Variants in SCMH1 observed in about 807,000 individuals in gnomAD.
SCMH1 encodes the protein polycomb protein SCMH1.
Under a neutral mutation model 70.8 loss-of-function variants are expected in SCMH1, and 37 were observed. The ratio of observed to expected loss-of-function variants is 0.52; its 90% CI spans 0.40 to 0.69. The LOEUF (loss-of-function observed/expected upper bound fraction) is 0.69. Ranked by LOEUF, SCMH1 falls within the 30% of genes least tolerant of loss-of-function variation. The pLI is 0.00. For synonymous variants in SCMH1, 292 were observed against 307.4 expected (o/e 0.95, Z 0.52); for missense variants, 607 against 827.3 (o/e 0.73, Z 3.27).
chr1:41,118,371 A>G (rs906609245), intron 6 of SCMH1, among the ~76,000 whole-genome samples: 1 of 152,194 alleles, frequency 6.6e-6, no homozygotes, highest in African/African-American at 2.4e-5. Context: ...GGATTAACGA[A>G]TACTTAGAGA....
chr1:41,161,361 T>C lies in SCMH1; in HGVS notation c.82+3A>G. 1.3e-6 allele frequency: 2 copies of C among 1,549,704 alleles called. No individual in the cohort carries two copies. Among genetic ancestry groups the C allele is most frequent in the South Asian group, 1.2e-5 (1 of 83,792 alleles). On this transcript the variant is annotated splice_donor_region_variant and intron_variant, in intron 3 of 14. Coordinates refer to ENST00000337495, the Ensembl canonical transcript of SCMH1. ...ACACCAAACGGAGTTTTTTCCCCCT[T>C]ACCTTGATATTGGGATGCAGACTCT...
chr1:41,184,993 A>G (rs1262280919), intron 2 of SCMH1, among the ~76,000 whole-genome samples: 2 of 152,182 alleles, frequency 1.3e-5, no homozygotes, highest in Non-Finnish European at 2.9e-5. Context: ...TCTCCTTACT[A>G]TCTCACATAT....
chr1:41,218,339 T>C (rs895032096), intron 1 of SCMH1, among the ~76,000 whole-genome samples: 1 of 152,188 alleles, frequency 6.6e-6, no homozygotes, highest in Non-Finnish European at 1.5e-5. Context: ...CAAGTTAAGA[T>C]GACGTCATTA....
At chr1:41,072,153 A>C (rs12142006) in intron 9 of SCMH1, among the ~76,000 whole-genome samples, 9,018 of 152,306 alleles carry the variant, frequency 0.059, 356 homozygotes, top group South Asian at 0.12. Context: ...TGTGAAAGCA[A>C]TCATGCAAAC....
rs780580261 is a variant in SCMH1 at position 41,028,217 on chromosome 1, G to C, written c.1924C>G (p.Arg642Gly). Residue 642 changes from arginine (R) to glycine (G), a missense_variant, in exon 15 of 15, where the codon CGG becomes GGG. Around this residue, in one of 3 missense-constraint regions of SCMH1, gnomAD observed 430 missense variants for 528.2 expected, o/e 0.81. Coordinates refer to ENST00000337495, the Ensembl canonical transcript of SCMH1. ...GTTCAGAACTTGCCCTGCTTCAGCC[G>C]GTCAATGTGGTAGGAGAGCTTGAGT... is the stretch of plus-strand genomic sequence containing the variant. 9.9e-6 allele frequency: 16 copies of C among 1,614,134 alleles called. No homozygotes were observed. In the South Asian group the frequency reaches 1.5e-4, roughly 16 times the overall value.
chr1:41,192,411 C>T (rs1651918533), intron 1 of SCMH1, among the ~76,000 whole-genome samples: 1 of 151,886 alleles, frequency 6.6e-6, no homozygotes, highest in Non-Finnish European at 1.5e-5. Context: ...TTAACTTAGC[C>T]TCCTGTGCCT....
At chr1:41,152,771 G>T in intron 4 of SCMH1, 1 of 1,559,042 alleles carries the variant, frequency 6.4e-7, no homozygotes, top group Non-Finnish European at 8.7e-7. Context: ...ACTGAATGAA[G>T]AAATCTAAAT....
chr1:41,123,325 A>C (rs1672401877), intron 6 of SCMH1, among the ~76,000 whole-genome samples: 1 of 152,238 alleles, frequency 6.6e-6, no homozygotes, highest in Admixed American at 6.5e-5. Flanking sequence ...GGAATTGATC[A>C]GTGACAGAAA....
chr1:41,103,298 A>AT (rs1024036640), intron 8 of SCMH1, among the ~76,000 whole-genome samples: 1 of 151,274 alleles, frequency 6.6e-6, no homozygotes, highest in Admixed American at 6.6e-5. Flanking sequence ...CTCCTGGCTA[A>AT]TTTTTTTTTA....
chr1:41,049,834 C>T (rs1002950482), intron 10 of SCMH1, among the ~76,000 whole-genome samples: 17 of 148,876 alleles, frequency 1.1e-4, no homozygotes, highest in South Asian at 2.1e-4. Flanking sequence ...GAGGCTGAGG[C>T]GGAAGGATCA....
intron 1 of SCMH1, among the ~76,000 whole-genome samples, chr1:41,235,504 C>G (rs12135838): frequency 0.47 from 68,135 of 144,116 alleles, 17,510 homozygotes; most frequent in Admixed American, 0.62. Context: ...CCAGGAAGTG[C>G]AGGTTGCAGT....
At chr1:41,220,098 C>T (rs1479564814) in intron 1 of SCMH1, among the ~76,000 whole-genome samples, 1 of 152,116 alleles carries the variant, frequency 6.6e-6, no homozygotes, top group Non-Finnish European at 1.5e-5. Context: ...TAATTTTGAG[C>T]TGATGAATGG....
chr1:41,168,632 C>CTTTTTT (rs543282078), intron 2 of SCMH1, among the ~76,000 whole-genome samples: 3 of 104,714 alleles, frequency 2.9e-5, no homozygotes, highest in Non-Finnish European at 3.8e-5. Flanking sequence ...GGAGATTTGT[C>CTTTTTT]TTTTTTTTTT....
At chr1:41,230,897 A>T (rs556579139) in intron 1 of SCMH1, among the ~76,000 whole-genome samples, 4 of 152,352 alleles carry the variant, frequency 2.6e-5, no homozygotes, top group African/African-American at 9.6e-5. Context: ...CTGATATTCA[A>T]CAAGGTTTGG....
intron 8 of SCMH1, among the ~76,000 whole-genome samples, chr1:41,089,902 G>T (rs1327219369): frequency 6.9e-6 from 1 of 145,938 alleles, no homozygotes; most frequent in East Asian, 2.1e-4. Flanking sequence ...AGCGAGTCTC[G>T]TGCCTCAGCC....
chr1:41,229,357 T>C (rs925524363), intron 1 of SCMH1, among the ~76,000 whole-genome samples: 2 of 152,082 alleles, frequency 1.3e-5, no homozygotes, highest in African/African-American at 2.4e-5. Flanking sequence ...CCATCAATGA[T>C]AGACTAGATT....
intron 6 of SCMH1, among the ~76,000 whole-genome samples, chr1:41,128,848 C>G (rs1673898548): frequency 6.6e-6 from 1 of 151,974 alleles, no homozygotes; most frequent in African/African-American, 2.4e-5. Context: ...TTCTTTTTCT[C>G]TCTGTGTTTC....
chr1:41,177,994 T>C (rs1352222043), intron 2 of SCMH1, among the ~76,000 whole-genome samples: 1 of 152,128 alleles, frequency 6.6e-6, no homozygotes, highest in Non-Finnish European at 1.5e-5. Flanking sequence ...GAGAGAAAGG[T>C]TGGGTTACCC....
At position 41,161,257 on chromosome 1, in the gene SCMH1, A is replaced by G. The variant is rs955108396; in HGVS notation, c.82+107T>C. 42 of 1,501,068 alleles carry G rather than the reference A, an allele frequency of 2.8e-5. No homozygotes were observed. In the Admixed American group the frequency reaches 2.9e-4, roughly 10 times the overall value. 93.0% of individuals were successfully genotyped at this position (1,501,068 alleles called of 1,614,324 possible). On this transcript the variant is annotated intron_variant, in intron 3 of 14. Transcript: ENST00000337495. ...GTAAACTGCAATATTTGCTTCTGATATAACAATTGAGTTATTTGTAAACTC... is the reference window on the plus strand; with the variant it reads ...GTAAACTGCAATATTTGCTTCTGATGTAACAATTGAGTTATTTGTAAACTC...
Sources: allele counts gnomAD v4.1 joint callset (sites outside exome capture counted in the v4.1 genomes callset), GRCh38; gene constraint gnomAD v4.1.1; regional missense constraint gnomAD v4.1.1; transcripts MANE v1.5; gene names NCBI Gene and HGNC (gene_info 2026-07-23, HGNC 2026-07-21).